LAMC2: variants seen among roughly 807,000 people sequenced by gnomAD.
The protein encoded by LAMC2 is laminin subunit gamma 2.
Under a neutral mutation model 140.2 loss-of-function variants are expected in LAMC2, and 97 were observed. That is an observed-to-expected ratio of 0.69 (90% confidence interval 0.59 to 0.82). LAMC2 has a LOEUF of 0.82. Ranked by LOEUF, LAMC2 falls within the 40% of genes least tolerant of loss-of-function variation. The pLI, the probability that LAMC2 is intolerant of heterozygous loss-of-function variation, is 0.00. For synonymous variants in LAMC2, 513 were observed against 540.2 expected, an observed-to-expected ratio of 0.95 and a Z score of 0.70; for missense variants, 1,402 against 1,476.1, an observed-to-expected ratio of 0.95 and a Z score of 0.82.
In LAMC2 at chr1:183,186,310, G is replaced by T; in HGVS notation, c.-43G>T. 6.4e-7 allele frequency: 1 copy of T among 1,558,576 alleles called. No homozygotes were observed. Among genetic ancestry groups the T allele is most frequent in the South Asian group, 1.2e-5 (1 of 86,000 alleles). ...ACCACCAACCGAGGCGCCGGGCAGCGACCCCTGCAGCGGAGACAGAGACTG... is the reference window on the plus strand; with the variant it reads ...ACCACCAACCGAGGCGCCGGGCAGCTACCCCTGCAGCGGAGACAGAGACTG... On this transcript the variant is annotated 5_prime_UTR_variant, in exon 1 of 23. Transcript: ENST00000264144.
intron 20 of LAMC2, 170 bp downstream of exon 20, chr1:183,239,733 T>C: frequency 6.0e-6 from 4 of 665,086 alleles, no homozygotes; most frequent in Admixed American, 2.9e-5. Flanking sequence ...TGACAGAGAA[T>C]GATGTGTTTT....
chr1:183,239,970 T>C (rs529416572), intron 20 of LAMC2, 70 bp from the exon 21 acceptor site: 6 of 1,554,888 alleles, frequency 3.9e-6, no homozygotes, highest in South Asian at 2.2e-5. Flanking sequence ...TTTTCTATGG[T>C]TGTCTTTGGG....
At position 183,245,058 on chromosome 1, in the gene LAMC2, T is replaced by C. The variant is rs1327180167; in HGVS notation, c.*1658T>C. Among the ~76,000 whole-genome samples the C allele has an allele frequency of 6.6e-6, 1 of 152,208 alleles. No individual in the cohort carries two copies. The highest frequency in any genetic ancestry group is 2.4e-5 in the African/African-American group (1 of 41,456). On this transcript the variant is annotated 3_prime_UTR_variant, in exon 23 of 23. Coordinates refer to ENST00000264144, the MANE Select transcript of LAMC2 (RefSeq NM_005562.3). ...CTTCGCCCATTCCAACCATACAGGA[T>C]TGATGATGCTGTCAATGAGATTTTT...
At chr1:183,236,201 A>G (rs1659955691) in intron 16 of LAMC2, among the ~76,000 whole-genome samples, 1 of 151,844 alleles carries the variant, frequency 6.6e-6, no homozygotes, top group Admixed American at 6.6e-5. Context: ...TACTTTCAAG[A>G]CAACAGGGTG....
chr1:183,215,455 T>A lies in LAMC2; in HGVS notation c.271T>A (p.Ser91Thr). 2 of 1,614,066 alleles carry A rather than the reference T, an allele frequency of 1.2e-6. No homozygotes were observed. The highest frequency in any genetic ancestry group is 1.7e-6 in the Non-Finnish European group (2 of 1,180,012). ...CLPCNCNSKG[S>T]LSARCDNSGR... ...TTCCCCTACCTTGTGGGTTTCAGGT[T>A]CTCTTAGTGCTCGATGTGACAACTC... The change falls in exon 3 of 23, where the codon TCT (serine) becomes ACT (threonine). Residue 91 changes from serine (S) to threonine (T), a missense_variant and splice_region_variant. By Grantham distance (58) the Ser-to-Thr change is moderately conservative. Around this residue, in one of 3 missense-constraint regions of LAMC2, gnomAD observed 723 missense variants for 783.3 expected, o/e 0.92. Transcript: ENST00000264144.
rs145392362 is a variant in LAMC2, at chr1:183,227,728, C to T, written c.1468+31C>T. On this transcript the variant is annotated intron_variant, in intron 10 of 22. Coordinates refer to ENST00000264144, the MANE Select transcript of LAMC2 (RefSeq NM_005562.3). ...GCCATGGGTCTGCTCTGCCACCTGC[C>T]TCTTCCTGTCCTGATGCCATGAATG... 6.2e-4 allele frequency: 998 copies of T among 1,600,712 alleles called. 2 individuals carry two copies. Among genetic ancestry groups the T allele is most frequent in the Non-Finnish European group, 8.1e-4 (943 of 1,168,174 alleles).
At chr1:183,218,870 TGC>T in intron 4 of LAMC2, among the ~76,000 whole-genome samples, 1 of 152,334 alleles carries the variant, frequency 6.6e-6, no homozygotes, top group African/African-American at 2.4e-5. Flanking sequence ...TAATTAAACA[TGC>T]TGCGAAAATT....
chr1:183,237,237 T>C, intron 17 of LAMC2, 115 bp from the exon 18 acceptor site: 3 of 1,204,472 alleles, frequency 2.5e-6, no homozygotes, highest in South Asian at 2.6e-5. Flanking sequence ...TAGTGACTAT[T>C]TTCTTGGCTT....
chr1:183,250,782 CAG>C, the LAMC2 span: 1 of 152,622 alleles, frequency 6.6e-6, no homozygotes, highest in Admixed American at 6.5e-5. Flanking sequence ...AGAGGAATAA[CAG>C]ACTTTCTGGA....
chr1:183,190,754 T>C (rs1216018394), intron 1 of LAMC2, among the ~76,000 whole-genome samples: 1 of 152,168 alleles, frequency 6.6e-6, no homozygotes, highest in Non-Finnish European at 1.5e-5. Context: ...TGATAAAATA[T>C]TATACTTAGA....
intron 3 of LAMC2, among the ~76,000 whole-genome samples, chr1:183,217,336 A>G (rs1045487293): frequency 7.9e-5 from 12 of 151,076 alleles, no homozygotes; most frequent in African/African-American, 2.9e-4. Flanking sequence ...TGATACCTTC[A>G]TTGAGAAAAT....
chr1:183,239,245 G>A lies in LAMC2; in HGVS notation c.2870-119G>A, dbSNP rs541447619. The A allele has an allele frequency of 8.5e-4, 778 of 913,498 alleles. 1 individual carries two copies. The highest frequency in any genetic ancestry group is 1.1e-3 in the Non-Finnish European group (588 of 543,232). 56.6% of individuals were successfully genotyped at this position (913,498 alleles called of 1,614,324 possible). On this transcript the variant is annotated intron_variant, in intron 19 of 22. Transcript: ENST00000264144. ...AATTCCAGCCGTAACTTCCCACACC[G>A]TCATCCCCAGTCAGTAATAACACTC...
chr1:183,232,412 T>C (rs527334980), intron 13 of LAMC2, 69 bp downstream of exon 13: 3 of 1,532,780 alleles, frequency 2.0e-6, no homozygotes, highest in African/African-American at 1.4e-5. Context: ...CTACGTTAGG[T>C]CATAGAATCT....
intron 7 of LAMC2, among the ~76,000 whole-genome samples, chr1:183,224,578 T>C: frequency 6.6e-6 from 1 of 151,974 alleles, no homozygotes; most frequent in East Asian, 1.9e-4. Context: ...GTTAGGTGCC[T>C]AACCCAAGGC....
intron 3 of LAMC2, among the ~76,000 whole-genome samples, chr1:183,217,706 A>G (rs1659319874): frequency 6.6e-6 from 1 of 152,238 alleles, no homozygotes; most frequent in African/African-American, 2.4e-5. Context: ...AGAGACAGAA[A>G]GTAGACTGGT....
the LAMC2 span, among the ~76,000 whole-genome samples, chr1:183,254,147 C>A: frequency 6.6e-6 from 1 of 152,078 alleles, no homozygotes; most frequent in Non-Finnish European, 1.5e-5. Context: ...TTTTTAATCT[C>A]TTTAGGAACC....
In LAMC2 at chr1:183,225,591, G is replaced by A; in HGVS notation, c.954-17G>A. 6.5e-7 allele frequency: 1 copy of A among 1,547,782 alleles called. No homozygotes were observed. Among genetic ancestry groups the A allele is most frequent in the Non-Finnish European group, 8.9e-7 (1 of 1,119,768 alleles). On this transcript the variant is annotated splice_polypyrimidine_tract_variant and intron_variant, in intron 7 of 22. Transcript: ENST00000264144. ...TAAGAATCGGATTTTTAAAGCTTTT[G>A]ATTTTAAATTATGCAGGTTAAATGA...
At position 183,237,481 on chromosome 1, in the gene LAMC2, C is replaced by T; in HGVS notation, c.2731C>T (p.Gln911Ter). 2 of 1,614,044 alleles carry T rather than the reference C, an allele frequency of 1.2e-6. No individual in the cohort carries two copies. Among genetic ancestry groups the T allele is most frequent in the Non-Finnish European group, 1.7e-6 (2 of 1,179,934 alleles). ...GAAAGAAGAAGCACAGCAGCTCTTACAGAATGGAAAAAGTGGGAGAGAGGT... is the reference window on the plus strand; with the variant it reads ...GAAAGAAGAAGCACAGCAGCTCTTATAGAATGGAAAAAGTGGGAGAGAGGT... ...NWKEEAQQLLQNGKSGREKSD... is the reference protein window; with the variant it reads ...NWKEEAQQLL The change falls in exon 18 of 23, where the codon CAG (glutamine) becomes TAG (stop). Residue 911 changes from glutamine (Q) to a stop codon, truncating the protein, a stop_gained. Transcript: ENST00000264144. LOFTEE classifies it high-confidence loss of function.
Position 183,228,028 on chromosome 1 carries a change from A to C in LAMC2, c.1468+331A>C, listed in dbSNP as rs1659684573. Reference sequence around the variant, plus strand: ...CGAGGGAAAACTTAGTGACTTCTTAAATGTCACATCCTTCTGCTGGTCAAT... The same window carrying C: ...CGAGGGAAAACTTAGTGACTTCTTACATGTCACATCCTTCTGCTGGTCAAT... On this transcript the variant is annotated intron_variant, in intron 10 of 22. Coordinates refer to ENST00000264144, the MANE Select transcript of LAMC2 (RefSeq NM_005562.3). This position sits in a 1 kb window ranked among gnomAD's most constrained non-coding sequence, Gnocchi z 4.3. Among the ~76,000 whole-genome samples the C allele has an allele frequency of 1.3e-5, 2 of 152,198 alleles. No homozygotes were observed. Among genetic ancestry groups the C allele is most frequent in the South Asian group, 4.1e-4 (2 of 4,828 alleles).
Sources: allele counts gnomAD v4.1 joint callset (sites outside exome capture counted in the v4.1 genomes callset), GRCh38; gene constraint gnomAD v4.1.1; regional missense constraint gnomAD v4.1.1; non-coding constraint Gnocchi (gnomAD v3.1); transcripts MANE v1.5; gene names NCBI Gene and HGNC (gene_info 2026-07-23, HGNC 2026-07-21).